Variants in DAB1 observed in about 807,000 individuals in gnomAD.
DAB1 encodes disabled homolog 1.
In DAB1, 15 loss-of-function variants were observed where a neutral mutation model predicts 64.6. That is an observed-to-expected ratio of 0.23 (90% CI 0.16 to 0.36). The LOEUF (loss-of-function observed/expected upper bound fraction) is 0.36, where lower values mean the gene tolerates loss of function less well. Ranked by LOEUF, DAB1 falls within the 10% of genes least tolerant of loss-of-function variation. DAB1 has a pLI of 1.00. For missense variants in DAB1, 596 were observed against 706.7 expected, an observed-to-expected ratio of 0.84 and a Z score of 1.78; for synonymous variants, 235 against 251.9, an observed-to-expected ratio of 0.93 and a Z score of 0.64.
intron 4 of DAB1, among the ~76,000 whole-genome samples, chr1:58,317,067 G>A (rs149628882): frequency 3.9e-5 from 6 of 152,316 alleles, no homozygotes; most frequent in East Asian, 1.9e-4. Flanking sequence ...TAGATGCTGC[G>A]GAGGGAAGAG....
At position 57,739,188 on chromosome 1, in the gene DAB1, T is replaced by C. The variant is rs549320811; in HGVS notation, n.552-89523A>G. Among the ~76,000 whole-genome samples the C allele has an allele frequency of 3.3e-5, 5 of 152,262 alleles. No homozygotes were observed. The South Asian group carries it at 8.3e-4, about 25-fold the overall frequency. ...AAATATTAATAGATAGTCATCCACCTCTGGTCCTAAATCTCTGTGGGCTCT... is the reference window on the plus strand; with the variant it reads ...AAATATTAATAGATAGTCATCCACCCCTGGTCCTAAATCTCTGTGGGCTCT... On this transcript the variant is annotated intron_variant and non_coding_transcript_variant, in intron 6 of 20. Coordinates refer to the DAB1 transcript ENST00000485760.
At chr1:57,598,827 T>A (rs1451748764) in intron 7 of DAB1, among the ~76,000 whole-genome samples, 1 of 152,182 alleles carries the variant, frequency 6.6e-6, no homozygotes, top group African/African-American at 2.4e-5. Flanking sequence ...CAGGTTTACA[T>A]CCAGGGGCTC....
chr1:57,031,647 A>G (rs1208498800), intron 9 of DAB1, among the ~76,000 whole-genome samples: 3 of 152,222 alleles, frequency 2.0e-5, no homozygotes, highest in African/African-American at 7.2e-5. Context: ...CATCTTGTTC[A>G]TCGATCCATC....
At chr1:58,089,388 GTTA>G (rs2100607839) in intron 5 of DAB1, among the ~76,000 whole-genome samples, 1 of 152,336 alleles carries the variant, frequency 6.6e-6, no homozygotes, top group East Asian at 1.9e-4. Context: ...TGCCACTGTT[GTTA>G]TTATTACTAC....
intron 5 of DAB1, among the ~76,000 whole-genome samples, chr1:58,018,332 C>T (rs1229327097): frequency 6.6e-6 from 1 of 152,100 alleles, no homozygotes; most frequent in Non-Finnish European, 1.5e-5. Context: ...CTGGATTTAA[C>T]CTGTCCTAAT....
chr1:58,389,073 G>A (rs565954385), intron 3 of DAB1, among the ~76,000 whole-genome samples: 3 of 152,278 alleles, frequency 2.0e-5, no homozygotes, highest in East Asian at 3.9e-4. Context: ...TAATCTGGAG[G>A]GTCATCAATC....
chr1:58,527,487 A>C, intron 1 of DAB1: 1 of 585,480 alleles, frequency 1.7e-6, no homozygotes, highest in Non-Finnish European at 3.0e-6. Context: ...CATGATATAA[A>C]ATATAAACAC....
intron 5 of DAB1, among the ~76,000 whole-genome samples, chr1:58,060,497 A>G (rs1464488784): frequency 2.0e-5 from 3 of 152,208 alleles, no homozygotes; most frequent in African/African-American, 7.2e-5. Flanking sequence ...TCCCCAGAGT[A>G]AAGAGCGACT....
chr1:58,460,292 G>T (rs1364651632), intron 3 of DAB1, among the ~76,000 whole-genome samples: 1 of 152,184 alleles, frequency 6.6e-6, no homozygotes, highest in Admixed American at 6.5e-5. Context: ...ACATATCTGT[G>T]GTAGAGATGC....
At chr1:57,446,139 A>C (rs1358558109) in intron 7 of DAB1, among the ~76,000 whole-genome samples, 1 of 152,172 alleles carries the variant, frequency 6.6e-6, no homozygotes, top group African/African-American at 2.4e-5. Flanking sequence ...ATTTATTCCA[A>C]CCTACATCAT....
chr1:57,285,679 GTC>G (rs534588832), intron 2 of DAB1, among the ~76,000 whole-genome samples: 26 of 152,278 alleles, frequency 1.7e-4, no homozygotes, highest in South Asian at 1.2e-3. Context: ...TAATTAACCT[GTC>G]TCTGGTTACA....
intron 2 of DAB1, among the ~76,000 whole-genome samples, chr1:57,211,237 G>C (rs1298726186): frequency 1.3e-5 from 2 of 152,204 alleles, no homozygotes; most frequent in Non-Finnish European, 2.9e-5. Context: ...GCTCTTCAGT[G>C]AAGATCTTTT....
intron 7 of DAB1, among the ~76,000 whole-genome samples, chr1:57,492,229 T>C (rs765991740): frequency 1.4e-4 from 22 of 152,204 alleles, no homozygotes; most frequent in Non-Finnish European, 2.5e-4. Flanking sequence ...AGGCTATGGA[T>C]TAATGAACAG....
intron 6 of DAB1, among the ~76,000 whole-genome samples, chr1:57,722,648 A>G (rs893313499): frequency 2.6e-5 from 4 of 152,162 alleles, no homozygotes; most frequent in Non-Finnish European, 4.4e-5. Context: ...ATAATACATA[A>G]TATCTTTGCA....
intron 3 of DAB1, among the ~76,000 whole-genome samples, chr1:58,451,838 A>G (rs1407486276): frequency 6.6e-6 from 1 of 152,172 alleles, no homozygotes; most frequent in Non-Finnish European, 1.5e-5. Context: ...TCACATACTC[A>G]GTGTAAGACT....
chr1:58,282,178 G>GTT (rs1206083066), intron 4 of DAB1, among the ~76,000 whole-genome samples: 1 of 152,126 alleles, frequency 6.6e-6, no homozygotes, highest in African/African-American at 2.4e-5. Flanking sequence ...TATCTTAAGT[G>GTT]TTTCTTCCCC....
At chr1:57,122,461 A>G (rs1267372724) in intron 4 of DAB1, among the ~76,000 whole-genome samples, 2 of 152,206 alleles carry the variant, frequency 1.3e-5, no homozygotes, top group Admixed American at 6.5e-5. Context: ...ATATACTTTC[A>G]TAAGAAGAAA....
chr1:58,348,117 T>C (rs1644019058), intron 3 of DAB1, among the ~76,000 whole-genome samples: 1 of 152,186 alleles, frequency 6.6e-6, no homozygotes, highest in South Asian at 2.1e-4. Flanking sequence ...GTTGGTCCTT[T>C]TGCCATTTTG....
At chr1:57,942,548 G>A (rs1645120729) in intron 5 of DAB1, among the ~76,000 whole-genome samples, 1 of 152,120 alleles carries the variant, frequency 6.6e-6, no homozygotes, top group Admixed American at 6.6e-5. Flanking sequence ...GTTTCAGCTG[G>A]ACATGTGGCC....
Sources: allele counts gnomAD v4.1 joint callset (sites outside exome capture counted in the v4.1 genomes callset), GRCh38; gene constraint gnomAD v4.1.1; transcripts MANE v1.5; gene names NCBI Gene and HGNC (gene_info 2026-07-23, HGNC 2026-07-21).